RFC3: variants seen among roughly 807,000 people sequenced by gnomAD.
The protein encoded by RFC3 is replication factor C subunit 3.
Under a neutral mutation model 45.1 loss-of-function variants are expected in RFC3, and 41 were observed. The observed-to-expected ratio is 0.91, with a 90% confidence interval of 0.71 to 1.18. The LOEUF (loss-of-function observed/expected upper bound fraction) is 1.18, where lower values mean the gene tolerates loss of function less well. Among genes scored for constraint, RFC3 ranks in the 50% most tolerant of loss-of-function variants. RFC3 has a pLI of 0.00. For synonymous variants in RFC3, 149 were observed against 144.0 expected, an observed-to-expected ratio of 1.03 and a Z score of -0.25; for missense variants, 423 against 428.1, an observed-to-expected ratio of 0.99 and a Z score of 0.10.
intron 8 of RFC3, among the ~76,000 whole-genome samples, chr13:33,864,274 A>T (rs1286010998): frequency 6.6e-6 from 1 of 152,118 alleles, no homozygotes; most frequent in Non-Finnish European, 1.5e-5. Context: ...CACTAGGCCC[A>T]CCTCTAACAT....
intron 8 of RFC3, among the ~76,000 whole-genome samples, chr13:33,852,660 G>T (rs1239281978): frequency 6.6e-6 from 1 of 152,132 alleles, no homozygotes; most frequent in Non-Finnish European, 1.5e-5. Flanking sequence ...GGACTTTAGG[G>T]ATTAAATGTA....
At chr13:33,877,784 TTTA>T (rs1484831849) in intron 8 of RFC3, among the ~76,000 whole-genome samples, 1 of 148,534 alleles carries the variant, frequency 6.7e-6, no homozygotes, top group Non-Finnish European at 1.5e-5. Flanking sequence ...ATGAAAAGGT[TTTA>T]TTATTATATA....
At chr13:33,932,176 G>A (rs770101163) in intron 8 of RFC3, among the ~76,000 whole-genome samples, 12 of 152,206 alleles carry the variant, frequency 7.9e-5, no homozygotes, top group Middle Eastern at 3.4e-3. Context: ...TTGTTCATCT[G>A]TCTATTCTAG....
intron 8 of RFC3, among the ~76,000 whole-genome samples, chr13:33,878,548 G>C (rs919734710): frequency 2.0e-5 from 3 of 152,100 alleles, no homozygotes; most frequent in East Asian, 3.9e-4. Context: ...GCAGGTATGG[G>C]GTAGAAAGGA....
rs144537855 is a variant in RFC3, at chr13:33,822,529, G to A, written c.225+1260G>A. ...TTGTATGTCTATTGTAAATAAAACA[G>A]TATTATATTGGCATGAAAATAGAGA... is the stretch of plus-strand genomic sequence containing the variant. On this transcript the variant is annotated intron_variant, in intron 2 of 8. Transcript: ENST00000380071. 2.4e-3 allele frequency among the ~76,000 whole-genome samples: 368 copies of A among 152,252 alleles called. 1 individual carries two copies. The highest frequency in any genetic ancestry group is 8.6e-3 in the African/African-American group (357 of 41,562).
At chr13:33,873,247 G>C (rs372660561) in intron 8 of RFC3, among the ~76,000 whole-genome samples, 5 of 152,142 alleles carry the variant, frequency 3.3e-5, no homozygotes, top group African/African-American at 1.2e-4. Context: ...ACAAATGTTC[G>C]AGCAACCCTC....
chr13:33,843,659 C>A (rs773729064), intron 8 of RFC3, among the ~76,000 whole-genome samples: 1 of 152,184 alleles, frequency 6.6e-6, no homozygotes, highest in African/African-American at 2.4e-5. Flanking sequence ...TCCTAACACT[C>A]TTTGAACTAG....
intron 8 of RFC3, among the ~76,000 whole-genome samples, chr13:33,954,418 ACAG>A (rs2083008613): frequency 6.6e-6 from 1 of 152,216 alleles, no homozygotes; most frequent in Non-Finnish European, 1.5e-5. Context: ...GTCTTCCTTT[ACAG>A]TGCTTGGACT....
chr13:33,887,552 T>G (rs1329041495), intron 8 of RFC3, among the ~76,000 whole-genome samples: 2 of 151,838 alleles, frequency 1.3e-5, no homozygotes, highest in African/African-American at 4.8e-5. Context: ...GTCAGATGAG[T>G]AGGTTGCGAA....
At chr13:33,912,188 G>T (rs2082707397) in intron 8 of RFC3, among the ~76,000 whole-genome samples, 1 of 151,950 alleles carries the variant, frequency 6.6e-6, no homozygotes, top group Admixed American at 6.6e-5. Context: ...TGTTTTGCAG[G>T]TCCCAATTTC....
intron 8 of RFC3, among the ~76,000 whole-genome samples, chr13:33,928,447 G>A (rs1051898674): frequency 6.6e-6 from 1 of 152,090 alleles, no homozygotes. Context: ...GAAGTCAGAG[G>A]CTTAGAGAGA....
At chr13:33,973,193 G>T in the RFC3 span, among the ~76,000 whole-genome samples, 2 of 152,062 alleles carry the variant, frequency 1.3e-5, no homozygotes, top group Admixed American at 6.6e-5. Context: ...TGTAGTAATG[G>T]TTAAACTGCA....
At chr13:33,853,064 C>T (rs2082286224) in intron 8 of RFC3, among the ~76,000 whole-genome samples, 1 of 152,160 alleles carries the variant, frequency 6.6e-6, no homozygotes, top group African/African-American at 2.4e-5. Flanking sequence ...ACTAGAGGGG[C>T]TCTAGGTCTA....
intron 8 of RFC3, among the ~76,000 whole-genome samples, chr13:33,862,939 C>T (rs1432589028): frequency 6.6e-6 from 1 of 152,160 alleles, no homozygotes; most frequent in Non-Finnish European, 1.5e-5. Flanking sequence ...CAAATTGCCT[C>T]CCAATGCTGT....
chr13:33,863,413 A>G (rs544943688), intron 8 of RFC3, among the ~76,000 whole-genome samples: 1 of 152,260 alleles, frequency 6.6e-6, no homozygotes, highest in South Asian at 2.1e-4. Context: ...CATTTATGGG[A>G]GGAGGAAGGG....
intron 8 of RFC3, among the ~76,000 whole-genome samples, chr13:33,854,009 A>T (rs2137514510): frequency 6.6e-6 from 1 of 152,328 alleles, no homozygotes; most frequent in South Asian, 2.1e-4. Flanking sequence ...CTCTGAGAGA[A>T]CTTATTGACC....
At chr13:33,966,477 G>GT (rs748555677) in exon 9 of RFC3, 115 of 273,234 alleles carry the variant, frequency 4.2e-4, no homozygotes, top group Admixed American at 1.3e-3. Context: ...TCATCTGCTG[G>GT]TACCTATTTG....
intron 8 of RFC3, among the ~76,000 whole-genome samples, chr13:33,842,659 G>A (rs2082208290): frequency 6.6e-6 from 1 of 152,136 alleles, no homozygotes; most frequent in African/African-American, 2.4e-5. Context: ...GGGAAGGAAG[G>A]TTTTTCTTTC....
At chr13:33,857,287 T>G (rs1251135116) in intron 8 of RFC3, among the ~76,000 whole-genome samples, 1 of 152,198 alleles carries the variant, frequency 6.6e-6, no homozygotes, top group Non-Finnish European at 1.5e-5. Context: ...CTGGACATAA[T>G]TTTGGACAGA....
Sources: allele counts gnomAD v4.1 joint callset (sites outside exome capture counted in the v4.1 genomes callset), GRCh38; gene constraint gnomAD v4.1.1; transcripts MANE v1.5; gene names NCBI Gene and HGNC (gene_info 2026-07-23, HGNC 2026-07-21).